PLPP4: variants seen among roughly 807,000 people sequenced by gnomAD.
The protein encoded by PLPP4 is diacylglycerol pyrophosphate like 2.
Under a neutral mutation model 32.2 loss-of-function variants are expected in PLPP4, and 20 were observed. The observed-to-expected ratio is 0.62, with a 90% confidence interval of 0.44 to 0.90. The LOEUF (loss-of-function observed/expected upper bound fraction) is 0.90. Ranked by LOEUF, PLPP4 falls within the 40% of genes least tolerant of loss-of-function variation. The pLI is 0.00. For missense variants in PLPP4, 257 were observed against 353.1 expected (o/e 0.73, Z 2.18); for synonymous variants, 127 against 133.0 (o/e 0.95, Z 0.31).
intron 1 of PLPP4, among the ~76,000 whole-genome samples, chr10:120,498,430 T>G (rs1245833658): frequency 6.6e-6 from 1 of 152,236 alleles, no homozygotes; most frequent in Non-Finnish European, 1.5e-5. Context: ...TCCTTTGAAA[T>G]GATTCATAAA....
intron 1 of PLPP4, among the ~76,000 whole-genome samples, chr10:120,503,203 C>T (rs1256455476): frequency 1.3e-5 from 2 of 152,218 alleles, no homozygotes; most frequent in Non-Finnish European, 2.9e-5. Context: ...ACTCACAGCC[C>T]CAAATGACTT....
At chr10:120,519,614 C>T (rs1186429842) in intron 4 of PLPP4, among the ~76,000 whole-genome samples, 1 of 152,034 alleles carries the variant, frequency 6.6e-6, no homozygotes, top group Non-Finnish European at 1.5e-5. Context: ...TCTCAGGCCT[C>T]ACCCCTCTGA....
At chr10:120,484,496 G>A (rs1008299479) in intron 1 of PLPP4, among the ~76,000 whole-genome samples, 3 of 152,190 alleles carry the variant, frequency 2.0e-5, no homozygotes, top group African/African-American at 7.2e-5. Flanking sequence ...GAAGGTGAGA[G>A]AGGGCAAAAG....
chr10:120,466,661 G>A (rs1413273406), intron 1 of PLPP4, among the ~76,000 whole-genome samples: 2 of 152,126 alleles, frequency 1.3e-5, no homozygotes, highest in African/African-American at 4.8e-5. Flanking sequence ...GACATTCCCA[G>A]TTTTATAGGT....
intron 5 of PLPP4, among the ~76,000 whole-genome samples, chr10:120,552,430 A>G (rs1024666711): frequency 1.3e-5 from 2 of 152,128 alleles, no homozygotes; most frequent in Admixed American, 6.5e-5. Flanking sequence ...CATCCCTCCA[A>G]TGGGTAAAGT....
At chr10:120,537,826 A>T (rs1183717018) in intron 5 of PLPP4, among the ~76,000 whole-genome samples, 2 of 151,986 alleles carry the variant, frequency 1.3e-5, no homozygotes, top group African/African-American at 4.8e-5. Flanking sequence ...TTTGTCAATT[A>T]TAGCTCAATA....
chr10:120,544,493 T>G (rs1193250723), intron 5 of PLPP4, among the ~76,000 whole-genome samples: 1 of 152,018 alleles, frequency 6.6e-6, no homozygotes, highest in Non-Finnish European at 1.5e-5. Flanking sequence ...TGGTCAAGGC[T>G]CTCATTCAAG....
chr10:120,555,649 G>A (rs896424065), intron 5 of PLPP4, among the ~76,000 whole-genome samples: 2 of 152,208 alleles, frequency 1.3e-5, no homozygotes, highest in African/African-American at 4.8e-5. Context: ...AAGAGCACGG[G>A]TCTGCCTGGC....
chr10:120,501,012 CTG>C (rs1441677535), intron 1 of PLPP4, among the ~76,000 whole-genome samples: 2 of 152,070 alleles, frequency 1.3e-5, no homozygotes, highest in African/African-American at 4.8e-5. Flanking sequence ...AGGGGAGAGA[CTG>C]TGTCCTGTTA....
chr10:120,560,383 G>A (rs1848375808), intron 5 of PLPP4, among the ~76,000 whole-genome samples: 1 of 151,790 alleles, frequency 6.6e-6, no homozygotes, highest in Non-Finnish European at 1.5e-5. Flanking sequence ...CACTGCAGCT[G>A]CACCAGCAGA....
At chr10:120,587,239 G>C (rs977263499) in intron 6 of PLPP4, 10 of 152,212 alleles carry the variant, frequency 6.6e-5, no homozygotes, top group Non-Finnish European at 1.5e-4. Context: ...TGACACAGGG[G>C]CTTGGCTGTT....
rs534476008 is a variant in PLPP4, at chr10:120,566,292, TG to T, written c.446-8836del. 8.5e-5 allele frequency among the ~76,000 whole-genome samples: 13 copies of T among 152,324 alleles called. No homozygotes were observed. The South Asian group carries it at 2.7e-3, about 32-fold the overall frequency. ...TATTTTTTGGAAATACTTTGATGTCTGGGTTGAAGTTGAATTCCTCTAGAGA... is the reference window on the plus strand; with the variant it reads ...TATTTTTTGGAAATACTTTGATGTCTGGTTGAAGTTGAATTCCTCTAGAGA... On this transcript the variant is annotated intron_variant, in intron 5 of 6. Coordinates refer to ENST00000398250, the MANE Select transcript of PLPP4 (RefSeq NM_001030059.3).
Position 120,457,350 on chromosome 10 carries a change from C to T in PLPP4, c.45C>T (p.Phe15=), listed in dbSNP as rs67319648. ...AGATCGGGGTGCGAGCCCTGCTCTT[C>T]GGAGTCTTCGTGTAAGTAGTGGCGC... is the stretch of plus-strand genomic sequence containing the variant. ...AIEIGVRALL[F]GVFVFTEFLD... The change falls in exon 1 of 7, where the codon TTC becomes TTT. Residue 15 remains phenylalanine, a synonymous_variant. Transcript: ENST00000398250. 301,176 of 1,532,720 alleles carry T rather than the reference C, an allele frequency of 0.2. 30,268 individuals are homozygous for T. Among genetic ancestry groups the T allele is most frequent in the East Asian group, 0.28 (10,689 of 38,844 alleles). The allele number at this position is 1,532,720 out of a possible 1,614,324, so 94.9% of individuals were successfully genotyped here.
chr10:120,480,712 T>C (rs1844160016), intron 1 of PLPP4, among the ~76,000 whole-genome samples: 1 of 152,206 alleles, frequency 6.6e-6, no homozygotes, highest in Non-Finnish European at 1.5e-5. Context: ...CCTTCTATAC[T>C]ATTAACAGCA....
chr10:120,571,136 T>G (rs1848923189), intron 5 of PLPP4, among the ~76,000 whole-genome samples: 1 of 133,562 alleles, frequency 7.5e-6, no homozygotes, highest in South Asian at 2.4e-4. Context: ...GTGTGTGGTC[T>G]GTGTGTCTCC....
chr10:120,533,645 A>G (rs771371553), intron 5 of PLPP4, among the ~76,000 whole-genome samples: 2 of 152,012 alleles, frequency 1.3e-5, no homozygotes, highest in Non-Finnish European at 2.9e-5. Context: ...CCCTATTTTC[A>G]TGCTGTTATT....
At chr10:120,549,451 C>T (rs1847785784) in intron 5 of PLPP4, among the ~76,000 whole-genome samples, 1 of 151,510 alleles carries the variant, frequency 6.6e-6, no homozygotes, top group African/African-American at 2.4e-5. Context: ...AAATGTTAAC[C>T]TTACCTAAAA....
At chr10:120,533,731 T>C (rs1166420140) in intron 5 of PLPP4, among the ~76,000 whole-genome samples, 1 of 152,158 alleles carries the variant, frequency 6.6e-6, no homozygotes, top group African/African-American at 2.4e-5. Context: ...TTTATGTCTT[T>C]TAAAGAAGCT....
chr10:120,521,506 T>TACATAC (rs1846155228), intron 5 of PLPP4, among the ~76,000 whole-genome samples: 1 of 152,250 alleles, frequency 6.6e-6, no homozygotes, highest in Non-Finnish European at 1.5e-5. Context: ...TATATACATA[T>TACATAC]ACATACATAT....
Sources: allele counts gnomAD v4.1 joint callset (sites outside exome capture counted in the v4.1 genomes callset), GRCh38; gene constraint gnomAD v4.1.1; transcripts MANE v1.5; gene names NCBI Gene and HGNC (gene_info 2026-07-23, HGNC 2026-07-21).